Variants in USH2A observed in about 807,000 individuals in gnomAD.
The protein encoded by USH2A is Usher syndrome 2A (autosomal recessive, mild).
A neutral mutation model predicts 538.9 loss-of-function variants in USH2A; 443 were observed. The observed-to-expected ratio is 0.82, with a 90% CI of 0.76 to 0.89. The LOEUF (loss-of-function observed/expected upper bound fraction) is 0.89. Ranked by LOEUF, USH2A falls within the 40% of genes least tolerant of loss-of-function variation. The probability of loss-of-function intolerance (pLI) is 0.00; values close to 1 mark genes in which losing one functional copy is unlikely to be tolerated. For missense variants in USH2A, 6,633 were observed against 6,324.8 expected, an observed-to-expected ratio of 1.05 and a Z score of -1.65; for synonymous variants, 2,413 against 2,273.5, an observed-to-expected ratio of 1.06 and a Z score of -1.75.
intron 41 of USH2A, among the ~76,000 whole-genome samples, chr1:215,884,418 A>G (rs1256439082): frequency 6.6e-6 from 1 of 152,110 alleles, no homozygotes. Flanking sequence ...AGAAGTAGAG[A>G]AGAACATAGG....
At chr1:216,274,203 C>T (rs1316354721) in intron 11 of USH2A, among the ~76,000 whole-genome samples, 1 of 152,032 alleles carries the variant, frequency 6.6e-6, no homozygotes, top group Non-Finnish European at 1.5e-5. Flanking sequence ...GTTGGTATGT[C>T]TATCACTGAG....
In USH2A at chr1:216,072,902, A is replaced by G. The variant is rs147930567; in HGVS notation, c.5844T>C (p.Arg1948=). ...ATAAGTATTTACCTGCTCCTGTTGT[A>G]CGTCCTCGACTCCAATCACTATATA... is the stretch of plus-strand genomic sequence containing the variant. ...GSVYSDWSRG[R]TTGAAPQSVP... Residue 1948 remains arginine, a synonymous_variant, in exon 29 of 72, where the codon CGT becomes CGC. Transcript: ENST00000307340. 2.2e-4 allele frequency: 355 copies of G among 1,613,780 alleles called. 3 individuals carry two copies. Among genetic ancestry groups the G allele is most frequent in the Middle Eastern group, 6.6e-4 (4 of 6,082 alleles).
intron 21 of USH2A, among the ~76,000 whole-genome samples, chr1:216,157,652 C>T (rs1158257032): frequency 6.6e-6 from 1 of 152,104 alleles, no homozygotes; most frequent in Non-Finnish European, 1.5e-5. Flanking sequence ...AGAACAAAAT[C>T]ATTTCCTTTA....
At chr1:216,286,131 C>T (rs1428967476) in intron 11 of USH2A, among the ~76,000 whole-genome samples, 1 of 151,998 alleles carries the variant, frequency 6.6e-6, no homozygotes, top group Non-Finnish European at 1.5e-5. Context: ...TGGGAGGGGC[C>T]AAGTGTGAGT....
chr1:216,333,786 C>G (rs368359531), intron 4 of USH2A, among the ~76,000 whole-genome samples: 2 of 151,992 alleles, frequency 1.3e-5, no homozygotes, highest in East Asian at 3.9e-4. Flanking sequence ...GAAACCATGG[C>G]GTCCAGAAGG....
intron 71 of USH2A, among the ~76,000 whole-genome samples, chr1:215,627,091 A>G (rs1656053037): frequency 6.6e-6 from 1 of 152,210 alleles, no homozygotes; most frequent in Admixed American, 6.5e-5. Context: ...CATTCTGAAC[A>G]GGCCAGAAGG....
At chr1:215,890,832 C>A (rs61486625) in intron 40 of USH2A, among the ~76,000 whole-genome samples, 21,615 of 152,032 alleles carry the variant, frequency 0.14, 1,635 homozygotes, top group Non-Finnish European at 0.15. Context: ...TCTAAAAAAA[C>A]CCCCAAATCC....
At chr1:216,315,986 C>CT (rs1328083171) in intron 9 of USH2A, among the ~76,000 whole-genome samples, 1 of 151,750 alleles carries the variant, frequency 6.6e-6, no homozygotes, top group Non-Finnish European at 1.5e-5. Context: ...GCATTTACTG[C>CT]TTTTTTTTCA....
intron 39 of USH2A, among the ~76,000 whole-genome samples, chr1:215,900,500 G>T (rs1302017062): frequency 6.6e-6 from 1 of 152,114 alleles, no homozygotes; most frequent in African/African-American, 2.4e-5. Context: ...ACATCATTTT[G>T]TTAGTTTCAT....
intron 21 of USH2A, among the ~76,000 whole-genome samples, chr1:216,129,241 T>G (rs2033319871): frequency 6.6e-6 from 1 of 152,114 alleles, no homozygotes; most frequent in African/African-American, 2.4e-5. Context: ...TTTGATATAC[T>G]GATGTTTTTC....
At chr1:215,959,035 C>T (rs1352511345) in intron 37 of USH2A, among the ~76,000 whole-genome samples, 4 of 152,122 alleles carry the variant, frequency 2.6e-5, no homozygotes, top group East Asian at 1.9e-4. Flanking sequence ...TGACTCACCA[C>T]CCGGATCTCC....
Position 215,982,797 on chromosome 1 carries a change from A to T in USH2A, c.6805+10223T>A, listed in dbSNP as rs78505141. Among the ~76,000 whole-genome samples the T allele has an allele frequency of 2.6e-5, 4 of 152,172 alleles. No homozygotes were observed. The East Asian group carries it at 7.7e-4, about 29-fold the overall frequency. On this transcript the variant is annotated intron_variant, in intron 35 of 71. Transcript: ENST00000307340. Reference sequence around the variant, plus strand: ...CAATCTAAGCGAAAGAACAGACATTAGAGGTATTATGAGGATGTAAAGTTT... The same window carrying T: ...CAATCTAAGCGAAAGAACAGACATTTGAGGTATTATGAGGATGTAAAGTTT...
chr1:216,372,831 A>T (rs1223061823), intron 3 of USH2A, among the ~76,000 whole-genome samples: 2 of 152,156 alleles, frequency 1.3e-5, no homozygotes, highest in African/African-American at 2.4e-5. Flanking sequence ...ACTTCATCAC[A>T]ATATTAGATA....
At chr1:216,223,867 G>T (rs144514958) in intron 14 of USH2A, among the ~76,000 whole-genome samples, 4 of 152,246 alleles carry the variant, frequency 2.6e-5, no homozygotes, top group Non-Finnish European at 4.4e-5. Context: ...TCGGATAAAG[G>T]CCTGTGAAAA....
At position 215,634,555 on chromosome 1, in the gene USH2A, GA is replaced by G. The variant is rs1295968274; in HGVS notation, c.15200del (p.Ile5067ThrfsTer23). ...TTTCTCTGATATATGGCTCTTTGTG[GA>G]TTTTTCTTTGTAGTATCAGGGACAG... ...IFLSLILQRK[I>X]HKEPYIRERP... On this transcript the variant is annotated frameshift_variant, in exon 70 of 72. Transcript: ENST00000307340. LOFTEE classifies it high-confidence loss of function. 1 of 1,614,044 alleles carries G rather than the reference GA, an allele frequency of 6.2e-7. No homozygotes were observed. The highest frequency in any genetic ancestry group is 8.5e-7 in the Non-Finnish European group (1 of 1,180,048).
intron 9 of USH2A, among the ~76,000 whole-genome samples, chr1:216,306,751 C>T (rs2037324563): frequency 6.6e-6 from 1 of 152,168 alleles, no homozygotes; most frequent in Non-Finnish European, 1.5e-5. Context: ...GATGTGGGTG[C>T]TCCAGGATGT....
At chr1:216,010,747 A>T (rs963447434) in intron 32 of USH2A, among the ~76,000 whole-genome samples, 2 of 151,612 alleles carry the variant, frequency 1.3e-5, no homozygotes, top group African/African-American at 4.9e-5. Flanking sequence ...CCACCTGCCC[A>T]GTTCCCTTAT....
chr1:216,027,972 G>A (rs982549670), intron 32 of USH2A, among the ~76,000 whole-genome samples: 45 of 152,228 alleles, frequency 3.0e-4, no homozygotes, highest in African/African-American at 1.1e-3. Flanking sequence ...TAGTCCTAGC[G>A]ATGACATTAA....
chr1:216,415,378 G>A (rs970101108), intron 3 of USH2A, among the ~76,000 whole-genome samples: 7 of 152,034 alleles, frequency 4.6e-5, no homozygotes, highest in East Asian at 1.9e-4. Context: ...TTATAACAAC[G>A]TTTAAGCAAT....
Sources: gnomAD v4.1 joint callset for allele counts (sites outside exome capture counted in the v4.1 genomes callset) on GRCh38, gnomAD v4.1.1 for gene constraint, MANE v1.5 for transcripts, NCBI Gene and HGNC (gene_info 2026-07-23, HGNC 2026-07-21) for gene names.